The following ABLIM1 variants were observed in gnomAD, a reference collection of about 807,000 sequenced individuals.
The protein encoded by ABLIM1 is actin-binding LIM protein 1.
ABLIM1 carries 40 observed loss-of-function variants against 107.0 expected under a neutral mutation model. The observed-to-expected ratio is 0.37, with a 90% CI of 0.29 to 0.49. The LOEUF (loss-of-function observed/expected upper bound fraction) is 0.49. Among genes scored for constraint, ABLIM1 ranks in the 20% least tolerant of loss-of-function variants. ABLIM1 has a pLI of 0.97. For synonymous variants in ABLIM1, 357 were observed against 357.3 expected (o/e 1.00, Z 0.01); for missense variants, 857 against 1,008.5 (o/e 0.85, Z 2.04).
intron 1 of ABLIM1, among the ~76,000 whole-genome samples, chr10:114,675,724 C>T (rs11196861): frequency 0.15 from 22,792 of 152,172 alleles, 1,717 homozygotes; most frequent in Middle Eastern, 0.19. Flanking sequence ...GTATCGTAGA[C>T]TGGGTGGCTT....
intron 6 of ABLIM1, among the ~76,000 whole-genome samples, chr10:114,506,725 A>G (rs546702898): frequency 4.4e-4 from 67 of 152,298 alleles, no homozygotes; most frequent in Middle Eastern, 3.4e-3. Context: ...TTTCTTACAG[A>G]TTCTGGATAT....
chr10:114,497,463 A>T (rs2059822844), intron 6 of ABLIM1, among the ~76,000 whole-genome samples: 2 of 151,938 alleles, frequency 1.3e-5, no homozygotes, highest in Admixed American at 1.3e-4. Context: ...GCAGATCACG[A>T]GGTCAGGAGA....
At chr10:114,783,597 TAA>T in the ABLIM1 span, among the ~76,000 whole-genome samples, 1 of 151,246 alleles carries the variant, frequency 6.6e-6, no homozygotes, top group Non-Finnish European at 1.5e-5. Context: ...ATAGGGGAGT[TAA>T]GATAGAAAGA....
At chr10:114,561,283 G>A (rs994228152) in intron 4 of ABLIM1, among the ~76,000 whole-genome samples, 5 of 152,198 alleles carry the variant, frequency 3.3e-5, no homozygotes, top group Non-Finnish European at 5.9e-5. Flanking sequence ...TCCAAGATAG[G>A]AAGAAGAAAA....
intron 8 of ABLIM1, among the ~76,000 whole-genome samples, chr10:114,474,665 C>T (rs1339267976): frequency 6.6e-6 from 1 of 152,190 alleles, no homozygotes; most frequent in Non-Finnish European, 1.5e-5. Flanking sequence ...CAGGCGTGAG[C>T]CACCGCACTC....
At chr10:114,582,618 A>T (rs145520541) in intron 2 of ABLIM1, among the ~76,000 whole-genome samples, 2,745 of 152,304 alleles carry the variant, frequency 0.018, 44 homozygotes, top group Non-Finnish European at 0.024. Context: ...CTATACTACA[A>T]GGCTACAGTA....
chr10:114,644,853 T>C (rs1013309965), intron 1 of ABLIM1, among the ~76,000 whole-genome samples: 1 of 151,842 alleles, frequency 6.6e-6, no homozygotes, highest in Non-Finnish European at 1.5e-5. Flanking sequence ...AGGGACAGAG[T>C]GTCAGAGGAA....
chr10:114,701,067 T>TA (rs904999432), intron 1 of ABLIM1, among the ~76,000 whole-genome samples: 3 of 151,878 alleles, frequency 2.0e-5, no homozygotes, highest in Non-Finnish European at 4.4e-5. Flanking sequence ...GAATACATTT[T>TA]AAAAAAAACT....
chr10:114,658,782 C>T (rs1566192607), upstream of ABLIM1, among the ~76,000 whole-genome samples: 1 of 152,290 alleles, frequency 6.6e-6, no homozygotes, highest in East Asian at 1.9e-4. Flanking sequence ...GGGGACCCCT[C>T]CCCTCAGTAC....
chr10:114,454,862 GT>G (rs1268745623), intron 12 of ABLIM1, among the ~76,000 whole-genome samples: 1 of 152,112 alleles, frequency 6.6e-6, no homozygotes, highest in African/African-American at 2.4e-5. Flanking sequence ...CAAGTCTCTT[GT>G]CAGAAATAAT....
chr10:114,529,612 G>A (rs557675153), intron 6 of ABLIM1, among the ~76,000 whole-genome samples: 61 of 152,324 alleles, frequency 4.0e-4, no homozygotes, highest in African/African-American at 1.4e-3. Context: ...GGAGTCAAGA[G>A]GTTCAAGTCA....
chr10:114,593,532 G>A (rs1312362425), intron 2 of ABLIM1, among the ~76,000 whole-genome samples: 1 of 152,136 alleles, frequency 6.6e-6, no homozygotes, highest in East Asian at 1.9e-4. Flanking sequence ...GAGGAAACCT[G>A]AGCCTAGGAA....
intron 1 of ABLIM1, among the ~76,000 whole-genome samples, chr10:114,726,519 T>C (rs750364004): frequency 6.6e-6 from 1 of 151,954 alleles, no homozygotes; most frequent in Non-Finnish European, 1.5e-5. Flanking sequence ...GAGATCACAA[T>C]AGTTCACTCA....
intron 6 of ABLIM1, among the ~76,000 whole-genome samples, chr10:114,502,724 T>A (rs1022009480): frequency 2.0e-5 from 3 of 152,180 alleles, no homozygotes; most frequent in Non-Finnish European, 4.4e-5. Flanking sequence ...CTCGAGCTCC[T>A]GGCCTCAAGT....
chr10:114,766,743 A>G (rs2082903733), intron 1 of ABLIM1, among the ~76,000 whole-genome samples: 1 of 152,230 alleles, frequency 6.6e-6, no homozygotes, highest in Non-Finnish European at 1.5e-5. Context: ...TACTTAGGAC[A>G]GCGGTCAGCA....
At chr10:114,785,976 G>A in the ABLIM1 span, among the ~76,000 whole-genome samples, 11 of 152,210 alleles carry the variant, frequency 7.2e-5, no homozygotes, top group South Asian at 2.1e-3. Flanking sequence ...TGATCCACCC[G>A]CCTTAGCCTC....
chr10:114,575,258 C>CT (rs1431539649), intron 3 of ABLIM1, among the ~76,000 whole-genome samples, 158 bp downstream of exon 3: 8 of 152,250 alleles, frequency 5.3e-5, no homozygotes, highest in African/African-American at 1.9e-4. Context: ...AACTAATCTA[C>CT]TTTTTTTACT....
chr10:114,613,253 C>T (rs1476395050), intron 1 of ABLIM1, among the ~76,000 whole-genome samples: 1 of 152,152 alleles, frequency 6.6e-6, no homozygotes, highest in East Asian at 1.9e-4. Flanking sequence ...AATTGTACTT[C>T]GAAAATCTTG....
intron 1 of ABLIM1, among the ~76,000 whole-genome samples, chr10:114,635,592 C>G (rs2078437926): frequency 1.3e-5 from 2 of 152,326 alleles, no homozygotes; most frequent in South Asian, 4.1e-4. Context: ...TGGCACATCT[C>G]AGGTCACTGC....
Sources: allele counts gnomAD v4.1 joint callset (sites outside exome capture counted in the v4.1 genomes callset), GRCh38; gene constraint gnomAD v4.1.1; transcripts MANE v1.5; gene names NCBI Gene and HGNC (gene_info 2026-07-23, HGNC 2026-07-21).